TANC2: variants seen among roughly 807,000 people sequenced by gnomAD.
The protein encoded by TANC2 is protein TANC2.
TANC2 carries 26 observed loss-of-function variants against 210.5 expected under a neutral mutation model. The ratio of observed to expected loss-of-function variants is 0.12; its 90% CI spans 0.09 to 0.17. The LOEUF is 0.17. TANC2 is among the 10% of genes least tolerant of loss of function. The pLI is 1.00. For synonymous variants in TANC2, 931 were observed against 967.1 expected, an observed-to-expected ratio of 0.96 and a Z score of 0.69; for missense variants, 2,129 against 2,608.9, an observed-to-expected ratio of 0.82 and a Z score of 4.01.
chr17:63,175,825 A>T (rs1249052644), intron 5 of TANC2, among the ~76,000 whole-genome samples: 1 of 152,202 alleles, frequency 6.6e-6, no homozygotes, highest in Admixed American at 6.5e-5. Context: ...CAAGAAGACA[A>T]CTGAATTTTT....
chr17:63,349,553 A>G (rs750571732), intron 12 of TANC2, among the ~76,000 whole-genome samples: 4 of 152,170 alleles, frequency 2.6e-5, no homozygotes, highest in Admixed American at 6.5e-5. Flanking sequence ...ATATTTGCCA[A>G]TTTTTATTGT....
intron 8 of TANC2, among the ~76,000 whole-genome samples, chr17:63,262,193 T>G (rs2043380269): frequency 6.6e-6 from 1 of 152,184 alleles, no homozygotes; most frequent in Admixed American, 6.6e-5. Flanking sequence ...TGAGATTGAT[T>G]TTTTTTCTTT....
chr17:63,286,877 TTCTA>T (rs1201883143), intron 9 of TANC2, among the ~76,000 whole-genome samples: 5 of 152,176 alleles, frequency 3.3e-5, no homozygotes, highest in Non-Finnish European at 7.3e-5. Context: ...GTGTCACTAA[TTCTA>T]TCTAGTGTAT....
intron 5 of TANC2, among the ~76,000 whole-genome samples, chr17:63,179,784 C>A (rs2040715502): frequency 6.6e-6 from 1 of 152,002 alleles, no homozygotes; most frequent in African/African-American, 2.4e-5. Context: ...CCCTTTCCTC[C>A]CCTCACCCTC....
chr17:63,118,553 A>C (rs2038338854), intron 4 of TANC2, among the ~76,000 whole-genome samples: 1 of 152,218 alleles, frequency 6.6e-6, no homozygotes, highest in South Asian at 2.1e-4. Context: ...CAGCCACTTC[A>C]AAAAAGAAAA....
intron 11 of TANC2, among the ~76,000 whole-genome samples, chr17:63,319,580 A>C (rs1424163532): frequency 6.6e-6 from 1 of 152,170 alleles, no homozygotes; most frequent in Non-Finnish European, 1.5e-5. Context: ...CAAACCCCTT[A>C]TCTCAGGTGA....
chr17:63,316,409 A>G (rs1315735915), intron 10 of TANC2, among the ~76,000 whole-genome samples: 1 of 152,168 alleles, frequency 6.6e-6, no homozygotes. Context: ...CTTTCACAGA[A>G]AGCAGAGGTA....
At chr17:63,341,766 T>C (rs2046236078) in intron 12 of TANC2, among the ~76,000 whole-genome samples, 1 of 152,232 alleles carries the variant, frequency 6.6e-6, no homozygotes, top group South Asian at 2.1e-4. Flanking sequence ...TATAAAACAC[T>C]TCTCTGATCA....
intron 8 of TANC2, among the ~76,000 whole-genome samples, chr17:63,258,817 G>T (rs1170780048): frequency 2.0e-5 from 3 of 152,150 alleles, no homozygotes; most frequent in African/African-American, 7.2e-5. Flanking sequence ...AAGCCCTCTT[G>T]GTGCTTTACC....
At chr17:63,136,555 C>T (rs2039095869) in intron 4 of TANC2, among the ~76,000 whole-genome samples, 1 of 152,122 alleles carries the variant, frequency 6.6e-6, no homozygotes, top group Non-Finnish European at 1.5e-5. Flanking sequence ...CTATTATAGG[C>T]AGTACTAAGG....
chr17:63,321,125 G>A (rs2045479954), intron 11 of TANC2, among the ~76,000 whole-genome samples: 1 of 151,990 alleles, frequency 6.6e-6, no homozygotes, highest in Non-Finnish European at 1.5e-5. Flanking sequence ...TTGAACCCAG[G>A]AGGTGGAGGT....
At chr17:62,988,026 T>C (rs1425515200) in intron 1 of TANC2, among the ~76,000 whole-genome samples, 1 of 152,220 alleles carries the variant, frequency 6.6e-6, no homozygotes, top group East Asian at 1.9e-4. Flanking sequence ...TTGATTTACC[T>C]ATGATATTTT....
intron 7 of TANC2, among the ~76,000 whole-genome samples, chr17:63,209,726 C>T (rs564119851): frequency 6.6e-6 from 1 of 152,320 alleles, no homozygotes; most frequent in East Asian, 1.9e-4. Context: ...AGCCACTGCT[C>T]TCGGGCTAAA....
intron 14 of TANC2, 124 bp downstream of exon 14, chr17:63,355,514 T>C: frequency 8.9e-7 from 1 of 1,121,216 alleles, no homozygotes; most frequent in Non-Finnish European, 1.2e-6. Context: ...TCATCTGTGT[T>C]TCTTCTCAAG....
chr17:63,249,031 A>G lies in TANC2; in HGVS notation c.1033+10954A>G, dbSNP rs552247133. On this transcript the variant is annotated intron_variant, in intron 8 of 27. Coordinates refer to ENST00000689528, the Ensembl canonical transcript of TANC2. ...GATTCAGCTGCATACTTTTAAAAAC[A>G]TAAAGACTCCAACTAGTGAAGTTCA... 2.0e-5 allele frequency among the ~76,000 whole-genome samples: 3 copies of G among 152,326 alleles called. No individual in the cohort carries two copies. The East Asian group carries it at 5.8e-4, about 29-fold the overall frequency.
chr17:63,025,840 A>AATAAC (rs1427420566), intron 2 of TANC2, among the ~76,000 whole-genome samples: 45 of 150,228 alleles, frequency 3.0e-4, no homozygotes, highest in African/African-American at 1.1e-3. Flanking sequence ...AATAAAATAA[A>AATAAC]ATAAAATAAA....
At chr17:63,345,628 A>AAC (rs1315551912) in intron 12 of TANC2, among the ~76,000 whole-genome samples, 2 of 151,824 alleles carry the variant, frequency 1.3e-5, no homozygotes, top group African/African-American at 4.8e-5. Context: ...TCAAAAAAAA[A>AAC]AAAAAAAAAA....
At chr17:63,283,755 A>G (rs1393924581) in intron 9 of TANC2, among the ~76,000 whole-genome samples, 1 of 151,980 alleles carries the variant, frequency 6.6e-6, no homozygotes, top group East Asian at 1.9e-4. Flanking sequence ...ATTGTAAATG[A>G]TATTGCTTTT....
chr17:63,185,591 C>A (rs1372888550), intron 5 of TANC2, among the ~76,000 whole-genome samples: 1 of 152,126 alleles, frequency 6.6e-6, no homozygotes, highest in African/African-American at 2.4e-5. Flanking sequence ...AACCTTTTAT[C>A]CAAATTTGAT....
Sources: allele counts gnomAD v4.1 joint callset (sites outside exome capture counted in the v4.1 genomes callset), GRCh38; gene constraint gnomAD v4.1.1; transcripts MANE v1.5; gene names NCBI Gene and HGNC (gene_info 2026-07-23, HGNC 2026-07-21).